FLVCR2: variants seen among roughly 807,000 people sequenced by gnomAD.
FLVCR2 encodes FLVCR choline and putative heme transporter 2.
In FLVCR2, 38 loss-of-function variants were observed where a neutral mutation model predicts 48.9. The ratio of observed to expected loss-of-function variants is 0.78; its 90% CI spans 0.60 to 1.02. The LOEUF (loss-of-function observed/expected upper bound fraction) is 1.02. Among genes scored for constraint, FLVCR2 ranks in the 50% least tolerant of loss-of-function variants. The probability of loss-of-function intolerance (pLI) is 0.00; values close to 1 mark genes in which losing one functional copy is unlikely to be tolerated. For missense variants in FLVCR2, 664 were observed against 663.3 expected, an observed-to-expected ratio of 1.00 and a Z score of -0.01; for synonymous variants, 255 against 257.0, an observed-to-expected ratio of 0.99 and a Z score of 0.07.
rs1890421036 is a variant in FLVCR2 at position 75,646,345 on chromosome 14, C to A, written c.1510-56C>A. On this transcript the variant is annotated intron_variant, in intron 9 of 9. Transcript: ENST00000238667. The stretch of plus-strand genomic sequence containing the variant: ...GTCATGGCCAGGCAGCTGCTCCAGC[C>A]AGGGTGGAGTGCTGTGCCTTTACCC... 2.4e-6 allele frequency: 3 copies of A among 1,268,868 alleles called. No homozygotes were observed. In the African/African-American group the frequency reaches 4.4e-5, roughly 19 times the overall value. The allele number at this position is 1,268,868 out of a possible 1,614,324, so 78.6% of individuals were successfully genotyped here. A position where few individuals can be genotyped will look rare whatever the true frequency, so the allele number is the denominator to read the frequency against.
At chr14:75,634,568 A>G (rs149040533) in intron 4 of FLVCR2, among the ~76,000 whole-genome samples, 43 of 152,340 alleles carry the variant, frequency 2.8e-4, no homozygotes, top group African/African-American at 9.6e-4. Context: ...TATATTTTAA[A>G]TTCCCCATCT....
intron 3 of FLVCR2, 68 bp from the exon 4 acceptor site, chr14:75,633,561 G>T: frequency 8.0e-7 from 1 of 1,244,526 alleles, no homozygotes; most frequent in Non-Finnish European, 1.2e-6. Context: ...CAAATGCTGG[G>T]GGAGAAGTTA....
intron 1 of FLVCR2, among the ~76,000 whole-genome samples, chr14:75,609,321 G>A (rs924166875): frequency 3.3e-5 from 5 of 152,112 alleles, no homozygotes; most frequent in South Asian, 2.1e-4. Flanking sequence ...GTAGGAGGGC[G>A]GGTGACTTCA....
chr14:75,631,723 C>A (rs1890043928), intron 3 of FLVCR2: 1 of 455,528 alleles, frequency 2.2e-6, no homozygotes, highest in African/African-American at 2.0e-5. Context: ...CGGGAGGAGA[C>A]TATTTTCTTT....
At chr14:75,589,967 G>A (rs566368273) in intron 1 of FLVCR2, among the ~76,000 whole-genome samples, 19 of 152,310 alleles carry the variant, frequency 1.2e-4, no homozygotes, top group Non-Finnish European at 2.5e-4. Flanking sequence ...TGTCTTAGTC[G>A]ATTTTGTGTT....
chr14:75,626,159 T>TTTTA (rs1889896068), intron 3 of FLVCR2, among the ~76,000 whole-genome samples: 3 of 152,088 alleles, frequency 2.0e-5, no homozygotes, highest in Admixed American at 1.3e-4. Flanking sequence ...GCCCGGCTAA[T>TTTTA]TTTTGTATTT....
chr14:75,619,636 C>A (rs1889711678), intron 1 of FLVCR2, among the ~76,000 whole-genome samples: 1 of 152,238 alleles, frequency 6.6e-6, no homozygotes, highest in African/African-American at 2.4e-5. Context: ...AAGCAGCTTA[C>A]AGTCTAATCC....
Position 75,578,893 on chromosome 14 carries a change from A to G in FLVCR2, c.-80A>G. ...ATAGGCAAGTGTCCTTTCAACTCTA[A>G]GAGACCAGCAGAGGCCACTGTCCCT... On this transcript the variant is annotated 5_prime_UTR_variant, in exon 1 of 10. Transcript: ENST00000238667. 1 of 1,336,002 alleles carries G rather than the reference A, an allele frequency of 7.5e-7. No individual in the cohort carries two copies. Among genetic ancestry groups the G allele is most frequent in the Non-Finnish European group, 1.1e-6 (1 of 931,050 alleles). The allele number at this position is 1,336,002 out of a possible 1,614,324, so 82.8% of individuals were successfully genotyped here.
At chr14:75,605,715 C>A in intron 1 of FLVCR2, 2 of 1,215,452 alleles carry the variant, frequency 1.6e-6, no homozygotes, top group Non-Finnish European at 2.3e-6. Flanking sequence ...TTTGGCTCCC[C>A]TCCGATTGCT....
At chr14:75,627,420 G>C (rs1889928737) in intron 3 of FLVCR2, among the ~76,000 whole-genome samples, 1 of 152,194 alleles carries the variant, frequency 6.6e-6, no homozygotes, top group Admixed American at 6.5e-5. Context: ...CTAAATATCA[G>C]TAACAACAGT....
At chr14:75,632,677 A>G in intron 3 of FLVCR2, 1 of 702,138 alleles carries the variant, frequency 1.4e-6, no homozygotes, top group Non-Finnish European at 2.6e-6. Context: ...CCTGACTTAC[A>G]CCCTTCCAAG....
At chr14:75,641,502 A>G (rs1890308482) in intron 8 of FLVCR2, among the ~76,000 whole-genome samples, 1 of 152,208 alleles carries the variant, frequency 6.6e-6, no homozygotes, top group Non-Finnish European at 1.5e-5. Flanking sequence ...GACTGTGACA[A>G]TGACTTCCAT....
In FLVCR2 at chr14:75,641,920, G is replaced by A. The variant is rs766560333; in HGVS notation, c.1509+22G>A. ...GAACGTGAGTATATGGGAGCTTTGT[G>A]GGGCTGAGATCGGGGTCCAAGGCTT... is the stretch of plus-strand genomic sequence containing the variant. On this transcript the variant is annotated intron_variant, in intron 9 of 9. Transcript: ENST00000238667. The A allele has an allele frequency of 2.4e-5, 39 of 1,611,616 alleles. No individual in the cohort carries two copies. In the East Asian group the frequency reaches 7.8e-4, roughly 32 times the overall value.
rs1422546394 is a variant in FLVCR2 at position 75,641,282 on chromosome 14, C to A, written c.1442C>A (p.Ala481Glu). 7 of 1,613,060 alleles carry A rather than the reference C, an allele frequency of 4.3e-6. No homozygotes were observed. Among genetic ancestry groups the A allele is most frequent in the African/African-American group, 1.3e-5 (1 of 74,844 alleles). The change falls in exon 8 of 10, where the codon GCA (alanine) becomes GAA (glutamate). Residue 481 changes from alanine (A) to glutamate (E), a missense_variant. Physicochemically the swap from Ala to Glu is moderately radical, Grantham distance 107 (BLOSUM62 -1). Coordinates refer to ENST00000238667, the MANE Select transcript of FLVCR2 (RefSeq NM_017791.3). ...CTGTGTGTGTTCCTTACTCTTGGAG[C>A]AGCCCTCACTGGTGAGTTGGAGCCT... ...IFLCVFLTLGAALTAFIKADL... is the reference protein window; with the variant it reads ...IFLCVFLTLGEALTAFIKADL...
chr14:75,596,180 A>G (rs1018176753), intron 1 of FLVCR2: 3 of 740,042 alleles, frequency 4.1e-6, no homozygotes, highest in Non-Finnish European at 4.9e-6. Context: ...TGAACTTTCT[A>G]GTGTGGATAG....
intron 6 of FLVCR2, chr14:75,640,682 G>A (rs1366815594): frequency 4.0e-6 from 2 of 495,208 alleles, no homozygotes; most frequent in Non-Finnish European, 7.3e-6. Context: ...TGTAAATGCT[G>A]ACTGGCTGTC....
chr14:75,629,695 T>C (rs932911700), intron 3 of FLVCR2, among the ~76,000 whole-genome samples: 2 of 152,260 alleles, frequency 1.3e-5, no homozygotes, highest in African/African-American at 4.8e-5. Context: ...ATCAATGGCA[T>C]AACAACTGCC....
At chr14:75,605,462 A>G in intron 1 of FLVCR2, 1 of 1,502,908 alleles carries the variant, frequency 6.7e-7, no homozygotes, top group South Asian at 1.3e-5. Flanking sequence ...CCAGCCAGAC[A>G]CTTCTGCTTT....
intron 1 of FLVCR2, among the ~76,000 whole-genome samples, chr14:75,614,527 GA>G (rs1289899160): frequency 6.6e-6 from 1 of 152,228 alleles, no homozygotes; most frequent in Non-Finnish European, 1.5e-5. Flanking sequence ...TTAAAAAGGG[GA>G]TAACTTGGGA....
Sources: gnomAD v4.1 joint callset for allele counts (sites outside exome capture counted in the v4.1 genomes callset) on GRCh38, gnomAD v4.1.1 for gene constraint, MANE v1.5 for transcripts, NCBI Gene and HGNC (gene_info 2026-07-23, HGNC 2026-07-21) for gene names.